Variants in IGSF21 observed in about 807,000 individuals in gnomAD.
IGSF21 encodes immunoglobin superfamily member 21.
IGSF21 carries 28 observed loss-of-function variants against 46.8 expected under a neutral mutation model. The ratio of observed to expected loss-of-function variants is 0.60; its 90% CI spans 0.44 to 0.82. The LOEUF is 0.82. Ranked by LOEUF, IGSF21 falls within the 40% of genes least tolerant of loss-of-function variation. The pLI is 0.00. For missense variants in IGSF21, 624 were observed against 665.5 expected, an observed-to-expected ratio of 0.94 and a Z score of 0.69; for synonymous variants, 284 against 273.6, an observed-to-expected ratio of 1.04 and a Z score of -0.38.
In IGSF21 at chr1:18,304,163, G is replaced by A. The variant is rs886257929; in HGVS notation, c.305+12176G>A. Among the ~76,000 whole-genome samples, 9 of 152,210 alleles carry A rather than the reference G, an allele frequency of 5.9e-5. No individual in the cohort carries two copies. In the East Asian group the frequency reaches 1.7e-3, roughly 29 times the overall value. ...GTTAAACGTGGCCCCTAGGGCCATA[G>A]CCATTGCATTTGGGAGGAGAGGGGC... On this transcript the variant is annotated intron_variant, in intron 3 of 9. Coordinates refer to ENST00000251296, the MANE Select transcript of IGSF21 (RefSeq NM_032880.5).
chr1:18,234,788 T>C (rs2084658277), intron 2 of IGSF21, among the ~76,000 whole-genome samples: 2 of 151,730 alleles, frequency 1.3e-5, no homozygotes, highest in Admixed American at 1.3e-4. Context: ...GAACCACAGT[T>C]CAAGACGAGA....
At chr1:18,362,331 T>C in intron 5 of IGSF21, 101 bp downstream of exon 5, 1 of 845,182 alleles carries the variant, frequency 1.2e-6, no homozygotes, top group Non-Finnish European at 1.9e-6. Flanking sequence ...GGAAAGGGAG[T>C]GGTTGGCCAG....
At chr1:18,181,115 T>TGCTGCCTCCCCTCCTCCTA (rs1553152071) in intron 1 of IGSF21, among the ~76,000 whole-genome samples, 1 of 152,178 alleles carries the variant, frequency 6.6e-6, no homozygotes. Flanking sequence ...CCCTCCTCCT[T>TGCTGCCTCCCCTCCTCCTA]GCTGCCTCCC....
intron 4 of IGSF21, among the ~76,000 whole-genome samples, chr1:18,349,874 CAT>C (rs909316801): frequency 1.3e-5 from 2 of 148,970 alleles, no homozygotes; most frequent in African/African-American, 2.5e-5. Context: ...GCTTGGACAA[CAT>C]AGGGAGACCC....
chr1:18,331,202 G>C (rs990654500), intron 3 of IGSF21, among the ~76,000 whole-genome samples: 2 of 151,936 alleles, frequency 1.3e-5, no homozygotes, highest in African/African-American at 2.4e-5. Context: ...ATTTAGGTGC[G>C]CCCATCACCC....
Position 18,322,389 on chromosome 1 carries a change from G to A in IGSF21, c.306-12503G>A, listed in dbSNP as rs2085612096. On this transcript the variant is annotated intron_variant, in intron 3 of 9. Coordinates refer to ENST00000251296, the MANE Select transcript of IGSF21 (RefSeq NM_032880.5). The surrounding 1 kb of genome is among the most constrained non-coding windows in gnomAD (Gnocchi z 4.3). ...CCCTCTTCTGGTGGAGGCAGGCTTG[G>A]TTCCAACAGGCTTGGGGCCTTCCTG... 6.6e-6 allele frequency among the ~76,000 whole-genome samples: 1 copy of A among 152,090 alleles called. No individual in the cohort carries two copies. Among genetic ancestry groups the A allele is most frequent in the South Asian group, 2.1e-4 (1 of 4,820 alleles).
At chr1:18,135,031 G>C (rs1027037085) in intron 1 of IGSF21, among the ~76,000 whole-genome samples, 3 of 152,204 alleles carry the variant, frequency 2.0e-5, no homozygotes, top group African/African-American at 7.2e-5. Flanking sequence ...TGTCAGCTTA[G>C]TGAGCTGGGG....
At chr1:18,137,753 G>A (rs1239327391) in intron 1 of IGSF21, among the ~76,000 whole-genome samples, 5 of 152,122 alleles carry the variant, frequency 3.3e-5, no homozygotes, top group Admixed American at 2.6e-4. Context: ...ACCCTTTGTG[G>A]TAAGCAAGAT....
chr1:18,253,484 C>T (rs1028741194), intron 2 of IGSF21, among the ~76,000 whole-genome samples: 2 of 152,200 alleles, frequency 1.3e-5, no homozygotes, highest in African/African-American at 4.8e-5. Flanking sequence ...TGGTCCTGCC[C>T]AGAGAACCCC....
At chr1:18,156,183 TG>T (rs1403500941) in intron 1 of IGSF21, among the ~76,000 whole-genome samples, 3 of 152,054 alleles carry the variant, frequency 2.0e-5, no homozygotes, top group Non-Finnish European at 4.4e-5. Context: ...CATCCAGGGC[TG>T]GGGCTGGCAC....
intron 3 of IGSF21, among the ~76,000 whole-genome samples, chr1:18,299,377 A>G (rs1342785934): frequency 6.6e-6 from 1 of 152,248 alleles, no homozygotes; most frequent in Admixed American, 6.5e-5. Context: ...TCCTTCTACA[A>G]TCTATTCATG....
intron 2 of IGSF21, chr1:18,278,757 T>C (rs1467093897): frequency 2.2e-6 from 1 of 457,102 alleles, no homozygotes; most frequent in Admixed American, 2.4e-5. Flanking sequence ...GGTTTCACCA[T>C]GTTGCCCAGG....
intron 2 of IGSF21, among the ~76,000 whole-genome samples, chr1:18,283,589 C>T (rs886290066): frequency 2.0e-5 from 3 of 152,042 alleles, no homozygotes; most frequent in African/African-American, 7.2e-5. Context: ...TGTGCCCCTC[C>T]CCCTACACAG....
chr1:18,345,342 C>T (rs12069662), intron 4 of IGSF21, among the ~76,000 whole-genome samples: 1 of 152,192 alleles, frequency 6.6e-6, no homozygotes, highest in Non-Finnish European at 1.5e-5. Flanking sequence ...TTTCTACCAG[C>T]TTCTGCAACT....
At chr1:18,372,580 G>T (rs2086236053) in intron 6 of IGSF21, among the ~76,000 whole-genome samples, 1 of 150,454 alleles carries the variant, frequency 6.6e-6, no homozygotes, top group South Asian at 2.1e-4. Flanking sequence ...ATGGATATTT[G>T]GATGGATGTT....
At chr1:18,180,572 A>G (rs2086847908) in intron 1 of IGSF21, among the ~76,000 whole-genome samples, 1 of 152,218 alleles carries the variant, frequency 6.6e-6, no homozygotes, top group African/African-American at 2.4e-5. Context: ...AGGCGCAGTT[A>G]TGGAAGGATG....
At chr1:18,227,448 C>A (rs1285650020) in intron 1 of IGSF21, among the ~76,000 whole-genome samples, 1 of 151,856 alleles carries the variant, frequency 6.6e-6, no homozygotes, top group African/African-American at 2.4e-5. Flanking sequence ...AAATACATTT[C>A]GGCATTCATT....
chr1:18,349,515 A>G (rs2124618848), intron 4 of IGSF21, among the ~76,000 whole-genome samples: 2 of 152,186 alleles, frequency 1.3e-5, no homozygotes, highest in South Asian at 4.2e-4. Flanking sequence ...AGGCAGAAGG[A>G]GCTATATAGG....
chr1:18,181,351 G>A (rs916317658), intron 1 of IGSF21, among the ~76,000 whole-genome samples: 3 of 152,228 alleles, frequency 2.0e-5, no homozygotes, highest in African/African-American at 7.2e-5. Flanking sequence ...GTGACAGGGT[G>A]CGTTTAATTA....
Sources: allele counts gnomAD v4.1 joint callset (sites outside exome capture counted in the v4.1 genomes callset), GRCh38; gene constraint gnomAD v4.1.1; non-coding constraint Gnocchi (gnomAD v3.1); transcripts MANE v1.5; gene names NCBI Gene and HGNC (gene_info 2026-07-23, HGNC 2026-07-21).